The following NSD1 variants were observed in gnomAD, a reference collection of about 807,000 sequenced individuals.
NSD1 encodes the protein nuclear receptor binding SET domain protein 1, also known as histone-lysine N-methyltransferase, H3 lysine-36 specific.
In NSD1, 26 loss-of-function variants were observed where a neutral mutation model predicts 242.7. The ratio of observed to expected loss-of-function variants is 0.11; its 90% CI spans 0.08 to 0.15. The LOEUF (loss-of-function observed/expected upper bound fraction) is 0.15, where lower values mean the gene tolerates loss of function less well. Among genes scored for constraint, NSD1 ranks in the 10% least tolerant of loss-of-function variants. The probability of loss-of-function intolerance (pLI) is 1.00; values close to 1 mark genes in which losing one functional copy is unlikely to be tolerated. For missense variants in NSD1, 2,495 were observed against 3,272.8 expected, an observed-to-expected ratio of 0.76 and a Z score of 5.80; for synonymous variants, 1,106 against 1,178.1, an observed-to-expected ratio of 0.94 and a Z score of 1.25.
intron 17 of NSD1, among the ~76,000 whole-genome samples, chr5:177,274,496 C>T: frequency 6.6e-6 from 1 of 152,086 alleles, no homozygotes; most frequent in Non-Finnish European, 1.5e-5. Flanking sequence ...TTACTAAATC[C>T]TTTTTACAAA....
intron 22 of NSD1, 51 bp downstream of exon 22, chr5:177,292,209 A>G: frequency 6.3e-7 from 1 of 1,579,050 alleles, no homozygotes; most frequent in East Asian, 2.2e-5. Context: ...CATCATACTC[A>G]GGGTCTCATG....
chr5:177,190,582 G>A lies in NSD1; in HGVS notation c.928-1302G>A, dbSNP rs186757707. Reference sequence around the variant, plus strand: ...TGGGATTACAGATGTGAGCCACTGTGCCTGGCCCCTTAGAGCTTTTTAAAA... The same window carrying A: ...TGGGATTACAGATGTGAGCCACTGTACCTGGCCCCTTAGAGCTTTTTAAAA... On this transcript the variant is annotated intron_variant, in intron 2 of 22. Coordinates refer to ENST00000439151, the MANE Select transcript of NSD1 (RefSeq NM_022455.5). 3.4e-3 allele frequency among the ~76,000 whole-genome samples: 510 copies of A among 151,676 alleles called. 3 individuals carry two copies. Among genetic ancestry groups the A allele is most frequent in the Middle Eastern group, 0.017 (5 of 288 alleles).
At chr5:177,285,292 G>A (rs948713369) in intron 20 of NSD1, among the ~76,000 whole-genome samples, 4 of 151,990 alleles carry the variant, frequency 2.6e-5, no homozygotes, top group Admixed American at 6.6e-5. Flanking sequence ...GGCTGGGCGC[G>A]ATGGTTCACG....
intron 4 of NSD1, among the ~76,000 whole-genome samples, chr5:177,208,948 A>C (rs1210135731): frequency 6.6e-6 from 1 of 152,000 alleles, no homozygotes; most frequent in African/African-American, 2.4e-5. Context: ...CGTCCTCCTC[A>C]GCCTCTGAAA....
intron 5 of NSD1, among the ~76,000 whole-genome samples, chr5:177,213,716 C>T (rs982713108): frequency 1.4e-4 from 21 of 152,262 alleles, no homozygotes; most frequent in East Asian, 1.4e-3. Context: ...TGTGATCCGC[C>T]CGCCTCCACC....
At chr5:177,230,096 C>T (rs1764941975) in intron 5 of NSD1, among the ~76,000 whole-genome samples, 1 of 151,980 alleles carries the variant, frequency 6.6e-6, no homozygotes, top group South Asian at 2.1e-4. Flanking sequence ...GTTTCACTTA[C>T]AATATGTTAC....
intron 2 of NSD1, among the ~76,000 whole-genome samples, chr5:177,186,484 A>G (rs1344597425): frequency 6.6e-6 from 1 of 152,122 alleles, no homozygotes; most frequent in Non-Finnish European, 1.5e-5. Context: ...CAGAAGTGCA[A>G]CATAGGTTTG....
Position 177,280,546 on chromosome 5 carries a change from C to CT in NSD1, c.5623-16dup. 1.2e-6 allele frequency: 2 copies of CT among 1,614,166 alleles called. No homozygotes were observed. The highest frequency in any genetic ancestry group is 2.7e-5 in the African/African-American group (2 of 75,044). On this transcript the variant is annotated intron_variant, in intron 17 of 22. Transcript: ENST00000439151. ...CTGCTGACTTGTTTTATGCGGTGTA[C>CT]TTTGTGTTACTTTTCCAGGTAAACC...
chr5:177,257,598 A>G (rs1246582619), intron 13 of NSD1, among the ~76,000 whole-genome samples: 1 of 152,018 alleles, frequency 6.6e-6, no homozygotes, highest in Admixed American at 6.6e-5. Context: ...AGCTTTTATC[A>G]GAGAGATTAC....
At chr5:177,287,917 GTATAGCAGTCTCAC>G in intron 20 of NSD1, among the ~76,000 whole-genome samples, 1 of 152,208 alleles carries the variant, frequency 6.6e-6, no homozygotes, top group Non-Finnish European at 1.5e-5. Context: ...GAAAAACTAT[GTATAGCAGTCTCAC>G]TGATAAAAGG....
intron 5 of NSD1, among the ~76,000 whole-genome samples, chr5:177,226,811 TA>T: frequency 6.6e-6 from 1 of 151,886 alleles, no homozygotes. Context: ...ATCTAGTAAT[TA>T]AAAAAAAATT....
At chr5:177,292,308 A>C in intron 22 of NSD1, 150 bp downstream of exon 22, 1 of 812,212 alleles carries the variant, frequency 1.2e-6, no homozygotes, top group Admixed American at 2.1e-5. Flanking sequence ...TTTGGAAATA[A>C]TGAAAGCAAA....
intron 5 of NSD1, among the ~76,000 whole-genome samples, chr5:177,220,177 C>CAAA (rs1266628703): frequency 6.6e-6 from 1 of 152,120 alleles, no homozygotes; most frequent in East Asian, 1.9e-4. Context: ...TTTCTCCTTT[C>CAAA]AATTCTGTCA....
intron 20 of NSD1, among the ~76,000 whole-genome samples, chr5:177,284,981 A>T (rs1759191720): frequency 6.6e-6 from 1 of 152,190 alleles, no homozygotes; most frequent in East Asian, 1.9e-4. Flanking sequence ...AACCTCTAGG[A>T]TGTCAAAGAA....
rs770446322 is a variant in NSD1 at position 177,209,943 on chromosome 5, A to G, written c.1544A>G (p.His515Arg). ...NPKRTSVKKG[H>R]IQFEAHKDER... ...AAAAGGACTAGTGTGAAAAAGGGCC[A>G]CATACAATTTGAAGCACATAAAGAT... Residue 515 changes from histidine (H) to arginine (R), a missense_variant, in exon 5 of 23, where the codon CAC becomes CGC. His to Arg is a conservative substitution (Grantham distance 29). This residue lies in a region of NSD1 where 515 missense variants were observed against 467.0 expected (regional missense o/e 1.10). Coordinates refer to ENST00000439151, the MANE Select transcript of NSD1 (RefSeq NM_022455.5). 1.2e-6 allele frequency: 2 copies of G among 1,614,056 alleles called. No individual in the cohort carries two copies. The highest frequency in any genetic ancestry group is 4.5e-5 in the East Asian group (2 of 44,902).
intron 2 of NSD1, among the ~76,000 whole-genome samples, chr5:177,157,424 G>A (rs760540031): frequency 6.6e-5 from 10 of 151,714 alleles, no homozygotes; most frequent in Non-Finnish European, 1.2e-4. Context: ...TTGGCCAGGC[G>A]CAGTGGCTCA....
chr5:177,199,834 A>G (rs1762381498), intron 3 of NSD1, among the ~76,000 whole-genome samples: 2 of 151,882 alleles, frequency 1.3e-5, no homozygotes, highest in East Asian at 1.9e-4. Flanking sequence ...TGACCTCGTG[A>G]TCTGCCAACC....
chr5:177,292,046 A>G lies in NSD1; in HGVS notation c.6351A>G (p.Arg2117=). Residue 2117 remains arginine, a synonymous_variant, in exon 22 of 23, where the codon CGA becomes CGG. Transcript: ENST00000439151. The part of the protein sequence containing the change: ...RRTQGEITKE[R]EDECFSCGDA... The stretch of plus-strand genomic sequence containing the variant: ...CCCAGGGTGAAATCACAAAGGAGCG[A>G]GAAGATGAGTGTTTTAGTTGTGGGG... The G allele has an allele frequency of 6.2e-7, 1 of 1,614,190 alleles. No individual in the cohort carries two copies. Among genetic ancestry groups the G allele is most frequent in the Non-Finnish European group, 8.5e-7 (1 of 1,180,018 alleles).
intron 3 of NSD1, among the ~76,000 whole-genome samples, chr5:177,194,107 T>C (rs923588347): frequency 1.3e-5 from 2 of 152,084 alleles, no homozygotes; most frequent in African/African-American, 4.8e-5. Context: ...TACATAATGT[T>C]TTTTCATATA....
Sources: gnomAD v4.1 joint callset for allele counts (sites outside exome capture counted in the v4.1 genomes callset) on GRCh38, gnomAD v4.1.1 for gene constraint, gnomAD v4.1.1 regional missense constraint, MANE v1.5 for transcripts, NCBI Gene and HGNC (gene_info 2026-07-23, HGNC 2026-07-21) for gene names.